Variants in ATP5PD observed in about 807,000 individuals in gnomAD.
ATP5PD encodes the protein ATP synthase peripheral stalk subunit d, mitochondrial.
A neutral mutation model predicts 22.6 loss-of-function variants in ATP5PD; 13 were observed. That is an observed-to-expected ratio of 0.58 (90% CI 0.37 to 0.91). The LOEUF (loss-of-function observed/expected upper bound fraction) is 0.91, where lower values mean the gene tolerates loss of function less well. Among genes scored for constraint, ATP5PD ranks in the 40% least tolerant of loss-of-function variants. ATP5PD has a pLI of 0.00. For synonymous variants in ATP5PD, 51 were observed against 65.0 expected, an observed-to-expected ratio of 0.79 and a Z score of 1.03; for missense variants, 165 against 188.0, an observed-to-expected ratio of 0.88 and a Z score of 0.72.
chr17:75,040,139 G>A lies in ATP5PD; in HGVS notation c.244C>T (p.Pro82Ser), dbSNP rs764248233. 1.2e-6 allele frequency: 2 copies of A among 1,611,684 alleles called. No homozygotes were observed. The highest frequency in any genetic ancestry group is 1.7e-6 in the Non-Finnish European group (2 of 1,179,568). ...ACCTGGGCAGTATATTTATCCTCTG[G>A]CACGGGAACCTTCAGCGCATTAAAC... ...KKFNALKVPV[P>S]EDKYTAQVDA... Residue 82 changes from proline (P) to serine (S), a missense_variant, in exon 4 of 6, where the codon CCA (proline) becomes TCA (serine). Transcript: ENST00000301587.
At chr17:75,039,683 T>C (rs2073138349) in intron 4 of ATP5PD, 2 of 266,782 alleles carry the variant, frequency 7.5e-6, no homozygotes, top group East Asian at 8.7e-5. Flanking sequence ...ACTTGGGTAA[T>C]TTTTCTAATT....
rs1385531743 is a variant in ATP5PD at position 75,044,225 on chromosome 17, G to GGGTT, written c.-9-1567_-9-1566insAACC. On this transcript the variant is annotated intron_variant, in intron 1 of 5. Transcript: ENST00000301587. ...TTTTTTTTTTTTTTTTTGAGACGGA[G>GGGTT]TCTCGCTCTGTCGCCCAGGCCGGAC... 9.0e-3 allele frequency among the ~76,000 whole-genome samples: 718 copies of GGGTT among 79,752 alleles called. 40 individuals carry two copies. Among genetic ancestry groups the GGGTT allele is most frequent in the African/African-American group, 0.053 (272 of 5,106 alleles). The allele number at this position is 79,752 out of a possible 152,430, so 52.3% of individuals were successfully genotyped here.
chr17:75,042,156 G>C (rs1418905144), intron 3 of ATP5PD, 25 bp downstream of exon 3: 1 of 1,597,358 alleles, frequency 6.3e-7, no homozygotes, highest in Admixed American at 1.7e-5. Flanking sequence ...TACAAGCTCA[G>C]TGCTTTAGAG....
intron 3 of ATP5PD, 123 bp from the exon 4 acceptor site, chr17:75,040,286 T>C: frequency 9.0e-7 from 1 of 1,105,894 alleles, no homozygotes; most frequent in Non-Finnish European, 1.4e-6. Flanking sequence ...AAGGTCATAC[T>C]GAAAGACATT....
chr17:75,044,790 A>G (rs2073196456), intron 1 of ATP5PD, among the ~76,000 whole-genome samples: 1 of 152,250 alleles, frequency 6.6e-6, no homozygotes, highest in Non-Finnish European at 1.5e-5. Context: ...AAAGTCAAAA[A>G]TCTCTATAAG....
In ATP5PD at chr17:75,040,692, C is replaced by CCGT. The variant is rs1480605893; in HGVS notation, c.220-530_220-529insACG. The CCGT allele has an allele frequency of 2.0e-5, 3 of 153,296 alleles. No individual in the cohort carries two copies. The East Asian group carries it at 5.8e-4, about 30-fold the overall frequency. 9.5% of individuals were successfully genotyped at this position (153,296 alleles called of 1,614,324 possible). On this transcript the variant is annotated intron_variant, in intron 3 of 5. Transcript: ENST00000301587. ...CCTAAGGTCGGGAGTTCGAGACCAG[C>CCGT]CTGACCAACATGGTGAAACCCCGTC... is the stretch of plus-strand genomic sequence containing the variant.
intron 4 of ATP5PD, chr17:75,039,826 T>C (rs1598685324): frequency 4.3e-6 from 2 of 469,698 alleles, no homozygotes; most frequent in South Asian, 5.5e-5. Context: ...CTCTCAACCA[T>C]CCCCAGGCAG....
chr17:75,044,661 AAC>A (rs1409524474), intron 1 of ATP5PD, among the ~76,000 whole-genome samples: 1 of 152,140 alleles, frequency 6.6e-6, no homozygotes, highest in Non-Finnish European at 1.5e-5. Context: ...AGAGGTATTC[AAC>A]ACATGTGAAA....
At chr17:75,039,390 G>A in intron 4 of ATP5PD, 119 bp from the exon 5 acceptor site, 3 of 893,222 alleles carry the variant, frequency 3.4e-6, no homozygotes, top group Non-Finnish European at 5.3e-6. Flanking sequence ...GAGAAACTGT[G>A]GTTACCCTGA....
At chr17:75,045,057 G>A (rs115540755) in intron 1 of ATP5PD, among the ~76,000 whole-genome samples, 1 of 152,086 alleles carries the variant, frequency 6.6e-6, no homozygotes, top group Non-Finnish European at 1.5e-5. Flanking sequence ...CCTAAGCGTC[G>A]ACTGGCTTGA....
At chr17:75,044,992 ACAT>A (rs898584612) in intron 1 of ATP5PD, among the ~76,000 whole-genome samples, 2 of 151,868 alleles carry the variant, frequency 1.3e-5, no homozygotes, top group Non-Finnish European at 2.9e-5. Context: ...ACTTTCCCAA[ACAT>A]CAGTGTATCG....
rs2073170799 is a variant in ATP5PD at position 75,042,439 on chromosome 17, G to A, written c.122+90C>T. 3.9e-6 allele frequency: 6 copies of A among 1,543,548 alleles called. No individual in the cohort carries two copies. The Admixed American group carries it at 1.2e-4, about 30-fold the overall frequency. On this transcript the variant is annotated intron_variant, in intron 2 of 5. Transcript: ENST00000301587. Reference sequence around the variant, plus strand: ...GGATTTCTTTATATGTTGTCATAAGGGCATCAAGAATTCATATGTAATTCC... The same window carrying A: ...GGATTTCTTTATATGTTGTCATAAGAGCATCAAGAATTCATATGTAATTCC...
At chr17:75,044,417 G>A (rs1477254015) in intron 1 of ATP5PD, among the ~76,000 whole-genome samples, 4 of 113,992 alleles carry the variant, frequency 3.5e-5, no homozygotes, top group Admixed American at 2.3e-4. Flanking sequence ...TTGTTAGCCA[G>A]GATGGTCTCG....
At chr17:75,045,563 T>C (rs905941081) in intron 1 of ATP5PD, among the ~76,000 whole-genome samples, 5 of 152,250 alleles carry the variant, frequency 3.3e-5, no homozygotes, top group African/African-American at 9.6e-5. Flanking sequence ...GGATATCCCA[T>C]GCTGAGAAAA....
chr17:75,044,914 T>C (rs759078271), intron 1 of ATP5PD, among the ~76,000 whole-genome samples: 5 of 152,182 alleles, frequency 3.3e-5, no homozygotes, highest in Non-Finnish European at 5.9e-5. Context: ...TTTCCTGTTG[T>C]GGAGGGGAGG....
At chr17:75,042,152 C>A in intron 3 of ATP5PD, 29 bp downstream of exon 3, 1 of 1,588,908 alleles carries the variant, frequency 6.3e-7, no homozygotes. Flanking sequence ...ATGTTACAAG[C>A]TCAGTGCTTT....
chr17:75,044,023 CTTTTT>C (rs11312083), intron 1 of ATP5PD, among the ~76,000 whole-genome samples: 2 of 127,708 alleles, frequency 1.6e-5, no homozygotes, highest in Non-Finnish European at 1.6e-5. Flanking sequence ...ACGTTGTGCA[CTTTTT>C]TTTTTTTTTT....
intron 3 of ATP5PD, 90 bp from the exon 4 acceptor site, chr17:75,040,253 G>C: frequency 6.7e-7 from 1 of 1,503,090 alleles, no homozygotes; most frequent in Non-Finnish European, 9.2e-7. Flanking sequence ...GGAGCTCAAA[G>C]GGCTGGAAGC....
rs746947469 is a variant in ATP5PD, at chr17:75,042,524, C to T, written c.122+5G>A. ...TATGGGGTTCCCTCTCAGAAACATACTGACCTGGAGGTGAGGGTCTCATTC... is the reference window on the plus strand; with the variant it reads ...TATGGGGTTCCCTCTCAGAAACATATTGACCTGGAGGTGAGGGTCTCATTC... On this transcript the variant is annotated splice_donor_5th_base_variant and intron_variant, in intron 2 of 5. Coordinates refer to ENST00000301587, the MANE Select transcript of ATP5PD (RefSeq NM_006356.3). 2 of 1,609,638 alleles carry T rather than the reference C, an allele frequency of 1.2e-6. No individual in the cohort carries two copies. Among genetic ancestry groups the T allele is most frequent in the Non-Finnish European group, 1.7e-6 (2 of 1,179,166 alleles).
Sources: allele counts gnomAD v4.1 joint callset (sites outside exome capture counted in the v4.1 genomes callset), GRCh38; gene constraint gnomAD v4.1.1; transcripts MANE v1.5; gene names NCBI Gene and HGNC (gene_info 2026-07-23, HGNC 2026-07-21).